The following CCSER1 variants were observed in gnomAD, a reference collection of about 807,000 sequenced individuals.
The protein encoded by CCSER1 is coiled-coil serine rich protein 1.
In CCSER1, 41 loss-of-function variants were observed where a neutral mutation model predicts 82.0. The observed-to-expected ratio is 0.50, with a 90% CI of 0.39 to 0.65. CCSER1 has a LOEUF of 0.65. Ranked by LOEUF, CCSER1 falls within the 30% of genes least tolerant of loss-of-function variation. The probability of loss-of-function intolerance (pLI) is 0.00; values close to 1 mark genes in which losing one functional copy is unlikely to be tolerated. For missense variants in CCSER1, 1,119 were observed against 1,064.2 expected (o/e 1.05, Z -0.72); for synonymous variants, 414 against 383.9 (o/e 1.08, Z -0.92).
intron 4 of CCSER1, among the ~76,000 whole-genome samples, chr4:90,403,237 C>T (rs866008612): frequency 3.9e-5 from 6 of 152,008 alleles, no homozygotes; most frequent in South Asian, 2.1e-4. Context: ...CGGTGGCTCA[C>T]GCCTGTAATC....
chr4:90,494,404 A>C (rs1306170392), intron 5 of CCSER1, among the ~76,000 whole-genome samples: 1 of 152,200 alleles, frequency 6.6e-6, no homozygotes, highest in Non-Finnish European at 1.5e-5. Context: ...TCAGCTCTGC[A>C]CCAAGCAGAC....
chr4:90,420,593 G>C (rs773819326), intron 4 of CCSER1, among the ~76,000 whole-genome samples: 3 of 151,912 alleles, frequency 2.0e-5, no homozygotes, highest in Non-Finnish European at 4.4e-5. Flanking sequence ...TTCAGACTTT[G>C]CTATATTTTT....
chr4:90,756,400 A>G (rs904678411), intron 7 of CCSER1, among the ~76,000 whole-genome samples: 2 of 152,138 alleles, frequency 1.3e-5, no homozygotes, highest in Non-Finnish European at 2.9e-5. Context: ...AAATAATACA[A>G]ACAACTTTTC....
intron 7 of CCSER1, among the ~76,000 whole-genome samples, chr4:90,766,123 A>C (rs1387225758): frequency 2.6e-5 from 4 of 152,050 alleles, no homozygotes; most frequent in Non-Finnish European, 5.9e-5. Flanking sequence ...TTAGAGCATA[A>C]ATTTTTAGAA....
At chr4:90,724,118 A>G in intron 7 of CCSER1, 127 bp downstream of exon 7, 1 of 554,026 alleles carries the variant, frequency 1.8e-6, no homozygotes, top group Non-Finnish European at 3.1e-6. Context: ...TTCAAATCTT[A>G]AAATCGTTTT....
intron 10 of CCSER1, among the ~76,000 whole-genome samples, chr4:91,364,886 T>A (rs1337368388): frequency 1.3e-5 from 2 of 152,110 alleles, no homozygotes; most frequent in African/African-American, 4.8e-5. Context: ...CTCTGATATG[T>A]CTTCTTTGAT....
intron 8 of CCSER1, among the ~76,000 whole-genome samples, chr4:90,849,344 G>A (rs1473741399): frequency 1.3e-5 from 2 of 152,172 alleles, no homozygotes; most frequent in African/African-American, 4.8e-5. Flanking sequence ...GGTACTGGTG[G>A]CATTTTGCCC....
chr4:90,413,691 C>T (rs967819185), intron 4 of CCSER1, among the ~76,000 whole-genome samples: 3 of 151,704 alleles, frequency 2.0e-5, no homozygotes, highest in Non-Finnish European at 4.4e-5. Flanking sequence ...GTTCCTCCCT[C>T]ACGCCTGTAA....
intron 10 of CCSER1, among the ~76,000 whole-genome samples, chr4:91,487,255 C>T (rs1045489964): frequency 3.9e-5 from 6 of 151,946 alleles, no homozygotes; most frequent in African/African-American, 4.8e-5. Context: ...TGGTATTTTA[C>T]GTTTAGAATA....
At chr4:90,594,993 A>G (rs1783158792) in intron 5 of CCSER1, among the ~76,000 whole-genome samples, 1 of 152,056 alleles carries the variant, frequency 6.6e-6, no homozygotes. Context: ...CATAAGTAAT[A>G]TATTTTTATA....
At chr4:91,487,974 A>G (rs1167499734) in intron 10 of CCSER1, among the ~76,000 whole-genome samples, 1 of 152,090 alleles carries the variant, frequency 6.6e-6, no homozygotes, top group Non-Finnish European at 1.5e-5. Context: ...AAGACAAAAT[A>G]TAAAATTAAT....
intron 10 of CCSER1, among the ~76,000 whole-genome samples, chr4:91,568,579 A>C (rs1763014005): frequency 6.6e-6 from 1 of 152,006 alleles, no homozygotes; most frequent in Non-Finnish European, 1.5e-5. Context: ...CCGCTGTCTT[A>C]TTTCAGAAAA....
At chr4:90,454,996 A>G (rs1374260584) in intron 4 of CCSER1, among the ~76,000 whole-genome samples, 2 of 152,176 alleles carry the variant, frequency 1.3e-5, no homozygotes, top group African/African-American at 4.8e-5. Context: ...AAGTGGAAGG[A>G]GATGATTCCC....
intron 6 of CCSER1, among the ~76,000 whole-genome samples, chr4:90,673,134 A>G (rs1733126341): frequency 6.6e-6 from 1 of 152,020 alleles, no homozygotes; most frequent in African/African-American, 2.4e-5. Flanking sequence ...GGTTGCCACA[A>G]ACCTTCAATT....
chr4:91,424,891 T>G (rs371849002), intron 10 of CCSER1, among the ~76,000 whole-genome samples: 77 of 152,198 alleles, frequency 5.1e-4, no homozygotes, highest in Admixed American at 2.2e-3. Flanking sequence ...ATTATATGTG[T>G]GGTTGTGATT....
At chr4:90,908,778 G>A (rs1396375091) in intron 8 of CCSER1, among the ~76,000 whole-genome samples, 1 of 152,082 alleles carries the variant, frequency 6.6e-6, no homozygotes, top group Admixed American at 6.6e-5. Context: ...CTGTTAGTGT[G>A]TTCAAGAAGG....
chr4:91,494,595 A>C lies in CCSER1; in HGVS notation c.2218-103977A>C, dbSNP rs185203010. Among the ~76,000 whole-genome samples the C allele has an allele frequency of 3.9e-5, 6 of 151,996 alleles. No homozygotes were observed. The East Asian group carries it at 1.2e-3, about 29-fold the overall frequency. On this transcript the variant is annotated intron_variant, in intron 10 of 10. Transcript: ENST00000509176. The stretch of plus-strand genomic sequence containing the variant: ...TTTATTTGGATAAACATTCAATAGA[A>C]TATCATATAGTTTACAAATTATCAA...
chr4:90,960,122 C>G (rs1001276842), intron 9 of CCSER1, among the ~76,000 whole-genome samples: 1 of 152,014 alleles, frequency 6.6e-6, no homozygotes, highest in Non-Finnish European at 1.5e-5. Context: ...GGAAAGATAC[C>G]TGAAATCGTC....
chr4:90,758,225 C>T (rs1267837769), intron 7 of CCSER1, among the ~76,000 whole-genome samples: 2 of 152,128 alleles, frequency 1.3e-5, no homozygotes, highest in Non-Finnish European at 2.9e-5. Flanking sequence ...GTGTGTAGTC[C>T]TTGTTTCTTA....
Sources: allele counts gnomAD v4.1 joint callset (sites outside exome capture counted in the v4.1 genomes callset), GRCh38; gene constraint gnomAD v4.1.1; transcripts MANE v1.5; gene names NCBI Gene and HGNC (gene_info 2026-07-23, HGNC 2026-07-21).